The following ZNF609 variants were observed in gnomAD, a reference collection of about 807,000 sequenced individuals.
ZNF609 encodes zinc finger protein 609.
ZNF609 carries 11 observed loss-of-function variants against 109.5 expected under a neutral mutation model. That is an observed-to-expected ratio of 0.10 (90% CI 0.06 to 0.17). The LOEUF is 0.17. Among genes scored for constraint, ZNF609 ranks in the 10% least tolerant of loss-of-function variants. The pLI, the probability that ZNF609 is intolerant of heterozygous loss-of-function variation, is 1.00. For synonymous variants in ZNF609, 646 were observed against 662.0 expected, an observed-to-expected ratio of 0.98 and a Z score of 0.37; for missense variants, 1,559 against 1,772.4, an observed-to-expected ratio of 0.88 and a Z score of 2.16.
chr15:64,646,725 G>A (rs1378714109), intron 3 of ZNF609, among the ~76,000 whole-genome samples: 2 of 150,764 alleles, frequency 1.3e-5, no homozygotes, highest in Non-Finnish European at 2.9e-5. Context: ...GATCACTTGA[G>A]GTCAGGAGTT....
At chr15:64,481,457 A>AT (rs1893253641) in intron 1 of ZNF609, among the ~76,000 whole-genome samples, 1 of 151,122 alleles carries the variant, frequency 6.6e-6, no homozygotes, top group South Asian at 2.1e-4. Context: ...AGTAGCTAGG[A>AT]TTACAGGCAT....
At chr15:64,614,417 G>A (rs1895767128) in intron 2 of ZNF609, among the ~76,000 whole-genome samples, 1 of 151,772 alleles carries the variant, frequency 6.6e-6, no homozygotes, top group African/African-American at 2.4e-5. Context: ...TTTATTTTTA[G>A]TAGAGATGGG....
intron 2 of ZNF609, among the ~76,000 whole-genome samples, chr15:64,590,891 G>T (rs1041829614): frequency 1.4e-4 from 21 of 151,980 alleles, no homozygotes. Context: ...AGACAAATAG[G>T]TTCAAAAGTA....
At chr15:64,648,704 G>T (rs1479646279) in intron 3 of ZNF609, among the ~76,000 whole-genome samples, 2 of 135,466 alleles carry the variant, frequency 1.5e-5, no homozygotes, top group African/African-American at 5.6e-5. Context: ...ACAATAAGTT[G>T]TATGCATTAT....
At chr15:64,582,403 A>G (rs949072780) in intron 2 of ZNF609, among the ~76,000 whole-genome samples, 2 of 152,144 alleles carry the variant, frequency 1.3e-5, no homozygotes, top group African/African-American at 4.8e-5. Flanking sequence ...TACTTTCACA[A>G]CACCCTTCCT....
chr15:64,571,566 A>G (rs1424677253), intron 2 of ZNF609, among the ~76,000 whole-genome samples: 2 of 152,166 alleles, frequency 1.3e-5, no homozygotes, highest in Non-Finnish European at 2.9e-5. Flanking sequence ...CGTATAAGTT[A>G]AGTACTATTA....
intron 3 of ZNF609, among the ~76,000 whole-genome samples, chr15:64,667,079 G>A (rs950746912): frequency 7.9e-5 from 12 of 152,102 alleles, no homozygotes; most frequent in Non-Finnish European, 4.4e-5. Context: ...ATAGTGAGCC[G>A]AGATTCGTGC....
intron 1 of ZNF609, among the ~76,000 whole-genome samples, chr15:64,461,278 C>G (rs1276176712): frequency 4.0e-5 from 6 of 151,302 alleles, no homozygotes; most frequent in African/African-American, 7.3e-5. Flanking sequence ...AGGACGTGTG[C>G]GTGACCTAGG....
intron 2 of ZNF609, among the ~76,000 whole-genome samples, chr15:64,561,546 C>CT (rs923856577): frequency 7.0e-6 from 1 of 142,304 alleles, no homozygotes; most frequent in Non-Finnish European, 1.5e-5. Flanking sequence ...CTTTTCTTTT[C>CT]TTTTTCTTTT....
chr15:64,518,162 A>G (rs1346897060), intron 2 of ZNF609, among the ~76,000 whole-genome samples: 1 of 152,214 alleles, frequency 6.6e-6, no homozygotes, highest in East Asian at 1.9e-4. Flanking sequence ...AACATAGGGT[A>G]TTGTGGGTGC....
At chr15:64,639,980 C>T (rs745592806) in intron 3 of ZNF609, among the ~76,000 whole-genome samples, 3 of 151,954 alleles carry the variant, frequency 2.0e-5, no homozygotes, top group East Asian at 1.9e-4. Flanking sequence ...ATTGCAGTGG[C>T]GCAATCTCAG....
chr15:64,482,059 G>C (rs561052356), intron 1 of ZNF609, among the ~76,000 whole-genome samples: 1 of 152,318 alleles, frequency 6.6e-6, no homozygotes, highest in South Asian at 2.1e-4. Context: ...GGGATAACAG[G>C]TGTCAGCCAC....
chr15:64,628,575 G>C (rs1447072338), intron 3 of ZNF609, among the ~76,000 whole-genome samples: 1 of 152,106 alleles, frequency 6.6e-6, no homozygotes, highest in Admixed American at 6.5e-5. Flanking sequence ...GGAGGCAGAG[G>C]TTGCAATGAG....
chr15:64,528,622 T>A, intron 2 of ZNF609: 1 of 784,410 alleles, frequency 1.3e-6, no homozygotes. Flanking sequence ...AGTAAGAGCT[T>A]CTGTCTTCCT....
chr15:64,552,399 T>C (rs1247689888), intron 2 of ZNF609, among the ~76,000 whole-genome samples: 1 of 152,152 alleles, frequency 6.6e-6, no homozygotes, highest in Non-Finnish European at 1.5e-5. Flanking sequence ...TGAGACAGAG[T>C]CTTGCTCTGT....
At chr15:64,528,486 T>A (rs968884612) in intron 2 of ZNF609, among the ~76,000 whole-genome samples, 2 of 151,986 alleles carry the variant, frequency 1.3e-5, no homozygotes, top group Non-Finnish European at 2.9e-5. Context: ...CACAAGGCAC[T>A]TTATTGATGG....
intron 3 of ZNF609, among the ~76,000 whole-genome samples, chr15:64,646,476 C>CA (rs1240876565): frequency 2.7e-5 from 4 of 149,458 alleles, no homozygotes; most frequent in East Asian, 2.0e-4. Flanking sequence ...ACTAAAAATA[C>CA]AAAAAAAATT....
Position 64,674,643 on chromosome 15 carries a change from G to A in ZNF609, c.1789G>A (p.Gly597Arg). ...GLCKKKLSGE[G>R]DTDLGALSND... ...CTGTAAGAAAAAGTTGAGTGGGGAA[G>A]GGGACACAGACCTTGGGGCCTTATC... is the stretch of plus-strand genomic sequence containing the variant. The change falls in exon 5 of 10, where the codon GGG becomes AGG. Residue 597 changes from glycine to arginine, a missense_variant. By Grantham distance (125) the Gly-to-Arg change is moderately radical. Transcript: ENST00000326648. The A allele has an allele frequency of 6.2e-7, 1 of 1,614,150 alleles. No homozygotes were observed.
intron 1 of ZNF609, among the ~76,000 whole-genome samples, chr15:64,465,012 G>A (rs1457314246): frequency 1.3e-5 from 2 of 152,126 alleles, no homozygotes; most frequent in East Asian, 1.9e-4. Flanking sequence ...CTGTAACTGT[G>A]GTTTTTTAGA....
Sources: allele counts gnomAD v4.1 joint callset (sites outside exome capture counted in the v4.1 genomes callset), GRCh38; gene constraint gnomAD v4.1.1; transcripts MANE v1.5; gene names NCBI Gene and HGNC (gene_info 2026-07-23, HGNC 2026-07-21).